PCDH15: variants seen among roughly 807,000 people sequenced by gnomAD.
PCDH15 encodes the protein protocadherin-15.
In PCDH15, 129 loss-of-function variants were observed where a neutral mutation model predicts 178.5. That is an observed-to-expected ratio of 0.72 (90% CI 0.63 to 0.84). The LOEUF (loss-of-function observed/expected upper bound fraction) is 0.84. Ranked by LOEUF, PCDH15 falls within the 40% of genes least tolerant of loss-of-function variation. The pLI, the probability that PCDH15 is intolerant of heterozygous loss-of-function variation, is 0.00. For synonymous variants in PCDH15, 800 were observed against 732.0 expected (o/e 1.09, Z -1.50); for missense variants, 2,230 against 2,099.9 (o/e 1.06, Z -1.21).
chr10:55,265,547 G>C (rs538082910), intron 1 of PCDH15, among the ~76,000 whole-genome samples: 92 of 152,224 alleles, frequency 6.0e-4, no homozygotes, highest in African/African-American at 2.0e-3. Flanking sequence ...CAAATATTAT[G>C]CAACTGGAAG....
At chr10:55,237,400 A>T (rs1333031316) in intron 1 of PCDH15, among the ~76,000 whole-genome samples, 1 of 152,072 alleles carries the variant, frequency 6.6e-6, no homozygotes, top group Non-Finnish European at 1.5e-5. Context: ...ACTAACTTTA[A>T]CTCATAAAGA....
chr10:55,423,447 G>T (rs1234915136), intron 2 of PCDH15, among the ~76,000 whole-genome samples: 2 of 151,630 alleles, frequency 1.3e-5, no homozygotes, highest in African/African-American at 4.8e-5. Context: ...AATTTTGCAG[G>T]GCTAGAATGA....
chr10:54,530,347 T>C (rs1011505723), intron 2 of PCDH15, among the ~76,000 whole-genome samples: 8 of 152,308 alleles, frequency 5.3e-5, no homozygotes, highest in Non-Finnish European at 1.0e-4. Context: ...ATCCTTCTCG[T>C]TGTCATTCTA....
intron 5 of PCDH15, among the ~76,000 whole-genome samples, chr10:54,361,392 A>G (rs1946024324): frequency 6.6e-6 from 1 of 152,126 alleles, no homozygotes; most frequent in Non-Finnish European, 1.5e-5. Context: ...GGATGAAAGC[A>G]GAAACTGCTG....
At chr10:53,928,654 CA>C (rs2084784145) in intron 25 of PCDH15, among the ~76,000 whole-genome samples, 2 of 151,974 alleles carry the variant, frequency 1.3e-5, no homozygotes, top group Non-Finnish European at 2.9e-5. Context: ...TGCATAGTTT[CA>C]TTTGCATTTA....
At chr10:55,560,839 T>G (rs1842182925) in intron 2 of PCDH15, among the ~76,000 whole-genome samples, 1 of 151,660 alleles carries the variant, frequency 6.6e-6, no homozygotes, top group African/African-American at 2.4e-5. Flanking sequence ...AGATAAAGAC[T>G]AACATGTAAA....
At chr10:53,857,005 C>T (rs2078793049) in intron 28 of PCDH15, among the ~76,000 whole-genome samples, 170 bp downstream of exon 28, 1 of 152,010 alleles carries the variant, frequency 6.6e-6, no homozygotes, top group Non-Finnish European at 1.5e-5. Context: ...GGCTACAGTG[C>T]TCACTATTTG....
intron 2 of PCDH15, among the ~76,000 whole-genome samples, chr10:54,967,583 T>G (rs1838824608): frequency 6.6e-6 from 1 of 152,204 alleles, no homozygotes; most frequent in Admixed American, 6.5e-5. Context: ...ATTTTACTTC[T>G]GAGTAGTATT....
chr10:54,476,745 C>T (rs1046943785), intron 3 of PCDH15, among the ~76,000 whole-genome samples: 1 of 152,108 alleles, frequency 6.6e-6, no homozygotes, highest in Non-Finnish European at 1.5e-5. Flanking sequence ...ACCTTTTCTA[C>T]ACTCCAGGTT....
At chr10:54,297,290 C>A (rs1304787308) in intron 8 of PCDH15, among the ~76,000 whole-genome samples, 1 of 152,102 alleles carries the variant, frequency 6.6e-6, no homozygotes, top group Non-Finnish European at 1.5e-5. Context: ...GACCCGCAAA[C>A]CCTGAAAGAA....
At chr10:55,004,715 T>C (rs1024941968) in intron 2 of PCDH15, among the ~76,000 whole-genome samples, 5 of 152,044 alleles carry the variant, frequency 3.3e-5, no homozygotes. Flanking sequence ...TCCTCAGCTG[T>C]AGCACTTGAA....
chr10:54,852,420 A>G (rs1301575513), intron 3 of PCDH15, among the ~76,000 whole-genome samples: 2 of 152,136 alleles, frequency 1.3e-5, no homozygotes, highest in Admixed American at 6.6e-5. Context: ...AGGATATGAG[A>G]TTATGGAGGA....
rs532169892 is a variant in PCDH15, at chr10:55,063,825, A to G, written c.-80+102751T>C. Among the ~76,000 whole-genome samples the G allele has an allele frequency of 1.2e-4, 18 of 152,286 alleles. No homozygotes were observed. The South Asian group carries it at 2.9e-3, about 25-fold the overall frequency. ...TTCATAATCTGACACTCAAATAAAA[A>G]GATTCATGCTTCTGGGACTCCAAAG... On this transcript the variant is annotated intron_variant, in intron 2 of 5. Transcript: ENST00000458638.
At chr10:54,571,644 T>C (rs944757858) in intron 2 of PCDH15, among the ~76,000 whole-genome samples, 1 of 152,160 alleles carries the variant, frequency 6.6e-6, no homozygotes, top group South Asian at 2.1e-4. Context: ...AAAAATAAGC[T>C]CTTCAGAGGT....
chr10:55,540,314 G>A (rs1841728938), intron 2 of PCDH15, among the ~76,000 whole-genome samples: 1 of 151,934 alleles, frequency 6.6e-6, no homozygotes, highest in South Asian at 2.1e-4. Flanking sequence ...TGAACAGATT[G>A]GATTTTCCAC....
rs913846884 is a variant in PCDH15 at position 54,211,764 on chromosome 10, A to G, written c.1098+2172T>C. Among the ~76,000 whole-genome samples, 39 of 152,148 alleles carry G rather than the reference A, an allele frequency of 2.6e-4. 1 individual carries two copies. Among genetic ancestry groups the G allele is most frequent in the Admixed American group, 2.2e-3 (34 of 15,268 alleles). On this transcript the variant is annotated intron_variant, in intron 10 of 37. Transcript: ENST00000644397. ...TAAAGTAAAAAGAGAGAGAGAGAGA[A>G]GAAATTGAAAGATTTACTATAGAGG...
At chr10:54,291,119 T>A (rs2059378566) in intron 8 of PCDH15, among the ~76,000 whole-genome samples, 1 of 152,140 alleles carries the variant, frequency 6.6e-6, no homozygotes, top group African/African-American at 2.4e-5. Flanking sequence ...CACAACAAAT[T>A]GTCTCTCAGA....
chr10:53,829,959 T>C (rs2076921207), intron 30 of PCDH15, among the ~76,000 whole-genome samples: 1 of 152,198 alleles, frequency 6.6e-6, no homozygotes, highest in Non-Finnish European at 1.5e-5. Context: ...CTTATTCAAT[T>C]CACAAGAAAA....
Position 54,133,940 on chromosome 10 carries a change from T to C in PCDH15, c.1785-933A>G, listed in dbSNP as rs1439290631. 1.5e-5 allele frequency among the ~76,000 whole-genome samples: 2 copies of C among 137,308 alleles called. 1 individual carries two copies. The highest frequency in any genetic ancestry group is 3.2e-5 in the Non-Finnish European group (2 of 63,080). The allele number at this position is 137,308 out of a possible 152,430, so 90.1% of individuals were successfully genotyped here. A position where few individuals can be genotyped will look rare whatever the true frequency, so the allele number is the denominator to read the frequency against. ...ATACATATAACATTTTGTACAAACA[T>C]ACCACCACTGCCTAAGATGTATGCT... On this transcript the variant is annotated intron_variant, in intron 14 of 37. Transcript: ENST00000644397.
Sources: gnomAD v4.1 joint callset for allele counts (sites outside exome capture counted in the v4.1 genomes callset) on GRCh38, gnomAD v4.1.1 for gene constraint, MANE v1.5 for transcripts, NCBI Gene and HGNC (gene_info 2026-07-23, HGNC 2026-07-21) for gene names.